The following SH3BGRL2 variants were observed in gnomAD, a reference collection of about 807,000 sequenced individuals.
The protein encoded by SH3BGRL2 is SH3 domain binding glutamate rich protein like 2.
In SH3BGRL2, 21 loss-of-function variants were observed where a neutral mutation model predicts 14.8. That is an observed-to-expected ratio of 1.42 (90% CI 1.01 to 2.05). SH3BGRL2 has a LOEUF of 2.05. Ranked by LOEUF, SH3BGRL2 falls within the 30% of genes most tolerant of loss-of-function variation. SH3BGRL2 has a pLI of 0.00. For synonymous variants in SH3BGRL2, 50 were observed against 47.8 expected, an observed-to-expected ratio of 1.05 and a Z score of -0.19; for missense variants, 147 against 130.8, an observed-to-expected ratio of 1.12 and a Z score of -0.61.
At chr6:79,580,210 C>T in the SH3BGRL2 span, among the ~76,000 whole-genome samples, 4 of 152,140 alleles carry the variant, frequency 2.6e-5, no homozygotes, top group African/African-American at 9.7e-5. Flanking sequence ...GAGACTTTAA[C>T]ACCCCACTGT....
At chr6:79,620,371 A>G in the SH3BGRL2 span, among the ~76,000 whole-genome samples, 1 of 152,224 alleles carries the variant, frequency 6.6e-6, no homozygotes, top group Admixed American at 6.5e-5. Context: ...CAAAAAGAAA[A>G]TAGTGCAATG....
the SH3BGRL2 span, among the ~76,000 whole-genome samples, chr6:79,608,039 A>G: frequency 6.6e-6 from 1 of 152,146 alleles, no homozygotes; most frequent in Non-Finnish European, 1.5e-5. Flanking sequence ...ACTCACAATC[A>G]TGGAGGAAGG....
chr6:79,538,018 G>GTTTTTTT, the SH3BGRL2 span, among the ~76,000 whole-genome samples: 79 of 44,164 alleles, frequency 1.8e-3, 18 homozygotes, highest in African/African-American at 2.3e-3. Flanking sequence ...TTGCACACAA[G>GTTTTTTT]TTTTTTTTTT....
At chr6:79,666,755 T>TGAGAGAAAATA (rs1769668348) in intron 1 of SH3BGRL2, among the ~76,000 whole-genome samples, 4 of 152,214 alleles carry the variant, frequency 2.6e-5, no homozygotes, top group Non-Finnish European at 5.9e-5. Flanking sequence ...TCTCACTGTC[T>TGAGAGAAAATA]GACTTTTTTC....
At chr6:79,570,625 C>T in the SH3BGRL2 span, among the ~76,000 whole-genome samples, 3 of 152,146 alleles carry the variant, frequency 2.0e-5, no homozygotes, top group Non-Finnish European at 4.4e-5. Flanking sequence ...ATTGTTTCTC[C>T]ACTTTACCAA....
chr6:79,569,336 A>C, the SH3BGRL2 span, among the ~76,000 whole-genome samples: 2 of 152,190 alleles, frequency 1.3e-5, no homozygotes, highest in Non-Finnish European at 2.9e-5. Context: ...TTCAGAGAGA[A>C]TAGATTGTAA....
the SH3BGRL2 span, among the ~76,000 whole-genome samples, chr6:79,585,913 T>C: frequency 6.6e-6 from 1 of 152,030 alleles, no homozygotes; most frequent in South Asian, 2.1e-4. Flanking sequence ...TTATAAGATT[T>C]GGCCAGGCGC....
the SH3BGRL2 span, among the ~76,000 whole-genome samples, chr6:79,582,973 G>C: frequency 6.6e-6 from 1 of 152,120 alleles, no homozygotes; most frequent in African/African-American, 2.4e-5. Flanking sequence ...GTGGGCAAAG[G>C]ATATGAACAG....
chr6:79,544,851 A>G, the SH3BGRL2 span, among the ~76,000 whole-genome samples: 1 of 152,238 alleles, frequency 6.6e-6, no homozygotes, highest in African/African-American at 2.4e-5. Flanking sequence ...ATGATTTTTA[A>G]CATTACATGA....
At chr6:79,681,519 A>T (rs1769987713) in intron 2 of SH3BGRL2, among the ~76,000 whole-genome samples, 1 of 152,146 alleles carries the variant, frequency 6.6e-6, no homozygotes, top group Non-Finnish European at 1.5e-5. Flanking sequence ...TTTCAGCAGG[A>T]GTATGAAGGG....
At chr6:79,555,601 C>T in the SH3BGRL2 span, among the ~76,000 whole-genome samples, 1 of 152,134 alleles carries the variant, frequency 6.6e-6, no homozygotes, top group Non-Finnish European at 1.5e-5. Flanking sequence ...ACCTCCGCCT[C>T]CCGGGTTCAA....
intron 1 of SH3BGRL2, among the ~76,000 whole-genome samples, chr6:79,647,069 G>A (rs1250972914): frequency 3.9e-5 from 6 of 152,170 alleles, no homozygotes; most frequent in African/African-American, 2.4e-5. Context: ...GGTGGAATTG[G>A]TGGTTTGTAT....
chr6:79,651,308 A>C (rs1769289713), intron 1 of SH3BGRL2, among the ~76,000 whole-genome samples: 2 of 152,242 alleles, frequency 1.3e-5, no homozygotes. Context: ...AGGCACGTGT[A>C]TGAAGAGTTG....
chr6:79,596,423 G>T, the SH3BGRL2 span, among the ~76,000 whole-genome samples: 1 of 152,128 alleles, frequency 6.6e-6, no homozygotes, highest in African/African-American at 2.4e-5. Context: ...GCACCTCCAA[G>T]TAGCTGGGAC....
the SH3BGRL2 span, among the ~76,000 whole-genome samples, chr6:79,602,355 G>C: frequency 6.6e-6 from 1 of 152,154 alleles, no homozygotes; most frequent in Non-Finnish European, 1.5e-5. Flanking sequence ...CCTCCCTGAG[G>C]GGGTGACATT....
intron 1 of SH3BGRL2, among the ~76,000 whole-genome samples, chr6:79,672,696 T>C (rs1769798118): frequency 6.6e-6 from 1 of 152,172 alleles, no homozygotes; most frequent in Admixed American, 6.5e-5. Flanking sequence ...GTATCCCCCA[T>C]GGATAAGGAG....
At chr6:79,651,574 T>C (rs1025617099) in intron 1 of SH3BGRL2, among the ~76,000 whole-genome samples, 2 of 148,040 alleles carry the variant, frequency 1.4e-5, no homozygotes, top group African/African-American at 4.9e-5. Flanking sequence ...ATGGAGAAAG[T>C]AGTTAGAGCC....
At chr6:79,602,690 A>T in the SH3BGRL2 span, among the ~76,000 whole-genome samples, 1 of 152,204 alleles carries the variant, frequency 6.6e-6, no homozygotes, top group South Asian at 2.1e-4. Context: ...ATCTGGGCTT[A>T]TGTGACCTTG....
chr6:79,627,459 A>G (rs1171238017), upstream of SH3BGRL2, among the ~76,000 whole-genome samples: 1 of 152,234 alleles, frequency 6.6e-6, no homozygotes, highest in African/African-American at 2.4e-5. Context: ...GTAGTCAATT[A>G]TCATTAGAAT....
Sources: allele counts gnomAD v4.1 joint callset (sites outside exome capture counted in the v4.1 genomes callset), GRCh38; gene constraint gnomAD v4.1.1; transcripts MANE v1.5; gene names NCBI Gene and HGNC (gene_info 2026-07-23, HGNC 2026-07-21).